The following FAT3 variants were observed in gnomAD, a reference collection of about 807,000 sequenced individuals.
FAT3 encodes protocadherin Fat 3.
A neutral mutation model predicts 310.2 loss-of-function variants in FAT3; 95 were observed. That is an observed-to-expected ratio of 0.31 (90% confidence interval 0.26 to 0.36). FAT3 has a LOEUF of 0.36. FAT3 is among the 10% of genes least tolerant of loss of function. The pLI, the probability that FAT3 is intolerant of heterozygous loss-of-function variation, is 1.00. For synonymous variants in FAT3, 2,314 were observed against 2,192.9 expected, an observed-to-expected ratio of 1.06 and a Z score of -1.54; for missense variants, 5,408 against 5,715.6, an observed-to-expected ratio of 0.95 and a Z score of 1.74.
intron 15 of FAT3, among the ~76,000 whole-genome samples, chr11:92,835,987 A>AG (rs768927666): frequency 5.3e-5 from 8 of 152,086 alleles, no homozygotes; most frequent in Non-Finnish European, 1.0e-4. Context: ...ATGAGGGTGG[A>AG]GCCGCTCTCT....
At chr11:92,643,893 G>T (rs1241306943) in intron 3 of FAT3, among the ~76,000 whole-genome samples, 1 of 152,230 alleles carries the variant, frequency 6.6e-6, no homozygotes, top group Non-Finnish European at 1.5e-5. Flanking sequence ...TGCACAAATT[G>T]CCTCATGTGA....
intron 4 of FAT3, among the ~76,000 whole-genome samples, chr11:92,747,294 C>G (rs1945698888): frequency 6.6e-6 from 1 of 152,222 alleles, no homozygotes. Flanking sequence ...TATAAGCTGC[C>G]AAAGCTTAAG....
In FAT3 at chr11:92,895,014, A is replaced by G. The variant is rs1349184982; in HGVS notation, c.*3901A>G. 6.6e-6 allele frequency: 1 copy of G among 152,198 alleles called. No homozygotes were observed. The highest frequency in any genetic ancestry group is 1.9e-4 in the East Asian group (1 of 5,206). The allele number at this position is 152,198 out of a possible 1,614,324, so 9.4% of individuals were successfully genotyped here. ...ATTGAGAAAAGAGATTATCAAAATA[A>G]ATTATTAAAATCCAGAAAACAGTTT... On this transcript the variant is annotated 3_prime_UTR_variant, in exon 28 of 28. Transcript: ENST00000525166.
At chr11:92,570,969 G>GT (rs1484413434) in intron 3 of FAT3, among the ~76,000 whole-genome samples, 24 of 152,166 alleles carry the variant, frequency 1.6e-4, no homozygotes, top group Non-Finnish European at 3.1e-4. Context: ...TGAAATGCCT[G>GT]TCATCTAATG....
At chr11:92,787,172 T>G (rs1214301553) in intron 7 of FAT3, among the ~76,000 whole-genome samples, 1 of 152,190 alleles carries the variant, frequency 6.6e-6, no homozygotes, top group Non-Finnish European at 1.5e-5. Flanking sequence ...TAATGTTATG[T>G]TAACTGTAAC....
chr11:92,291,842 T>C (rs1946704398), intron 1 of FAT3, among the ~76,000 whole-genome samples: 1 of 152,114 alleles, frequency 6.6e-6, no homozygotes, highest in Non-Finnish European at 1.5e-5. Context: ...CTTCCTGTCC[T>C]GTTAAAACTT....
At chr11:92,306,504 TTA>T (rs1470857356) in intron 1 of FAT3, among the ~76,000 whole-genome samples, 51 of 127,800 alleles carry the variant, frequency 4.0e-4, no homozygotes, top group African/African-American at 1.5e-3. Flanking sequence ...ATTATATATG[TTA>T]TATATATTTA....
At position 92,510,236 on chromosome 11, in the gene FAT3, C is replaced by T. The variant is rs142470450; in HGVS notation, c.3293-14398C>T. ...AACCTCCACGTTTTCAGTCACTTCACACAAGCCATGTCTCGACTTCATTTC... is the reference window on the plus strand; with the variant it reads ...AACCTCCACGTTTTCAGTCACTTCATACAAGCCATGTCTCGACTTCATTTC... On this transcript the variant is annotated intron_variant, in intron 2 of 27. Transcript: ENST00000525166. Among the ~76,000 whole-genome samples, 32 of 152,286 alleles carry T rather than the reference C, an allele frequency of 2.1e-4. No homozygotes were observed. In the East Asian group the frequency reaches 3.7e-3, roughly 17 times the overall value.
intron 2 of FAT3, among the ~76,000 whole-genome samples, chr11:92,376,059 A>G (rs868698639): frequency 2.5e-4 from 38 of 152,330 alleles, no homozygotes; most frequent in African/African-American, 8.9e-4. Flanking sequence ...AAAATGAGAA[A>G]CAGTAGCACT....
At chr11:92,235,370 T>C (rs1301910385) in intron 1 of FAT3, among the ~76,000 whole-genome samples, 2 of 152,204 alleles carry the variant, frequency 1.3e-5, no homozygotes, top group African/African-American at 4.8e-5. Flanking sequence ...GGTCTCTTCA[T>C]ATCTCTGCAC....
At chr11:92,434,229 G>A (rs1950874921) in intron 2 of FAT3, among the ~76,000 whole-genome samples, 2 of 152,126 alleles carry the variant, frequency 1.3e-5, no homozygotes, top group Non-Finnish European at 2.9e-5. Flanking sequence ...GGGTGTTCAT[G>A]TTCCTCATTG....
At chr11:92,866,681 G>A (rs974189584) in intron 21 of FAT3, 60 bp from the exon 22 acceptor site, 1 of 1,480,204 alleles carries the variant, frequency 6.8e-7, no homozygotes, top group Non-Finnish European at 9.1e-7. Flanking sequence ...GGAGCAGGGT[G>A]TAGGGAACAT....
In FAT3 at chr11:92,272,443, G is replaced by A. The variant is rs16917300; in HGVS notation, c.-18+47269G>A. ...ACTAAGTAGTGGTCTTGATAGGTTA[G>A]AGGACAGGATGGTCAGGGAGATAAA... On this transcript the variant is annotated intron_variant, in intron 1 of 27. Transcript: ENST00000525166. Among the ~76,000 whole-genome samples the A allele has an allele frequency of 9.2e-3, 1,395 of 152,244 alleles. 18 individuals carry two copies. Among genetic ancestry groups the A allele is most frequent in the African/African-American group, 0.032 (1,310 of 41,552 alleles).
intron 1 of FAT3, among the ~76,000 whole-genome samples, chr11:92,351,231 G>C (rs961326841): frequency 1.3e-5 from 2 of 152,056 alleles, no homozygotes; most frequent in Non-Finnish European, 2.9e-5. Context: ...TCTCTGCTTT[G>C]TAACTTGACA....
intron 22 of FAT3, among the ~76,000 whole-genome samples, chr11:92,876,395 G>A (rs1165501132): frequency 4.6e-5 from 7 of 152,052 alleles, no homozygotes; most frequent in Admixed American, 4.6e-4. Flanking sequence ...TTCCCAAAAT[G>A]AAAAAAATAA....
intron 2 of FAT3, among the ~76,000 whole-genome samples, chr11:92,458,656 G>A (rs753759061): frequency 6.6e-6 from 1 of 152,148 alleles, no homozygotes; most frequent in Non-Finnish European, 1.5e-5. Context: ...CATTGTGACT[G>A]TTTTAGAGAT....
intron 1 of FAT3, among the ~76,000 whole-genome samples, chr11:92,234,902 C>CA (rs35407952): frequency 0.039 from 3,891 of 99,588 alleles, 158 homozygotes; most frequent in African/African-American, 0.11. Flanking sequence ...GACTCCGTCT[C>CA]AAAAAAAAAA....
intron 3 of FAT3, among the ~76,000 whole-genome samples, chr11:92,648,427 G>A (rs985371391): frequency 2.0e-5 from 3 of 152,136 alleles, no homozygotes; most frequent in African/African-American, 7.2e-5. Context: ...CCTGCTTCTG[G>A]AAGTTTTGGC....
At chr11:92,552,792 A>T (rs1162320990) in intron 3 of FAT3, among the ~76,000 whole-genome samples, 1 of 152,050 alleles carries the variant, frequency 6.6e-6, no homozygotes, top group Non-Finnish European at 1.5e-5. Flanking sequence ...AGAAAAAAAA[A>T]AAGAATTGTT....
Sources: gnomAD v4.1 joint callset for allele counts (sites outside exome capture counted in the v4.1 genomes callset) on GRCh38, gnomAD v4.1.1 for gene constraint, MANE v1.5 for transcripts, NCBI Gene and HGNC (gene_info 2026-07-23, HGNC 2026-07-21) for gene names.